CCDC34: variants seen among roughly 807,000 people sequenced by gnomAD.
CCDC34 encodes the protein coiled-coil domain containing 34.
A neutral mutation model predicts 44.1 loss-of-function variants in CCDC34; 40 were observed. That is an observed-to-expected ratio of 0.91 (90% CI 0.70 to 1.18). The LOEUF (loss-of-function observed/expected upper bound fraction) is 1.18, where lower values mean the gene tolerates loss of function less well. Ranked by LOEUF, CCDC34 falls within the 50% of genes most tolerant of loss-of-function variation. CCDC34 has a pLI of 0.00. For missense variants in CCDC34, 466 were observed against 452.3 expected (o/e 1.03, Z -0.28); for synonymous variants, 159 against 158.2 (o/e 1.01, Z -0.04).
intron 1 of CCDC34, among the ~76,000 whole-genome samples, 193 bp downstream of exon 1, chr11:27,362,643 C>T (rs944653556): frequency 6.6e-6 from 1 of 152,120 alleles, no homozygotes; most frequent in East Asian, 1.9e-4. Flanking sequence ...GGATTAAGAG[C>T]CATAGGAAAT....
intron 3 of CCDC34, chr11:27,349,988 G>C (rs528758317): frequency 8.7e-7 from 1 of 1,151,178 alleles, no homozygotes; most frequent in African/African-American, 1.6e-5. Flanking sequence ...GAAATGGGAG[G>C]ATGGATTTAC....
chr11:27,353,604 G>A (rs553422502), intron 2 of CCDC34, among the ~76,000 whole-genome samples: 1 of 152,034 alleles, frequency 6.6e-6, no homozygotes, highest in South Asian at 2.1e-4. Context: ...CATTTTGTAA[G>A]TGGGTAATTT....
In CCDC34 at chr11:27,362,888, A is replaced by C; in HGVS notation, c.307T>G (p.Ser103Ala). The C allele has an allele frequency of 6.2e-7, 1 of 1,613,938 alleles. No homozygotes were observed. Among genetic ancestry groups the C allele is most frequent in the East Asian group, 2.2e-5 (1 of 44,868 alleles). Residue 103 changes from serine (S) to alanine (A), a missense_variant, in exon 1 of 6, where the codon TCA becomes GCA. Ser to Ala is a moderately conservative substitution (Grantham distance 99). Coordinates refer to ENST00000328697, the MANE Select transcript of CCDC34 (RefSeq NM_030771.2). ...EEDVDEDAHDSEAKVASLRGM... is the reference protein window; with the variant it reads ...EEDVDEDAHDAEAKVASLRGM... Reference sequence around the variant, plus strand: ...CTCAGGCTCGCCACTTTGGCCTCTGAATCATGGGCATCTTCATCCACGTCT... The same window carrying C: ...CTCAGGCTCGCCACTTTGGCCTCTGCATCATGGGCATCTTCATCCACGTCT...
intron 3 of CCDC34, among the ~76,000 whole-genome samples, chr11:27,347,561 G>A (rs974484569): frequency 8.6e-5 from 13 of 151,848 alleles, no homozygotes; most frequent in African/African-American, 2.7e-4. Context: ...ACTATAGTCA[G>A]CAATAAAAAG....
At chr11:27,339,869 C>CT (rs1178329461) in intron 5 of CCDC34, among the ~76,000 whole-genome samples, 8 of 150,898 alleles carry the variant, frequency 5.3e-5, no homozygotes, top group Non-Finnish European at 1.2e-4. Context: ...CCCACCTAAA[C>CT]TTTTAACTTT....
chr11:27,349,747 A>C, intron 3 of CCDC34: 2 of 953,980 alleles, frequency 2.1e-6, no homozygotes, highest in African/African-American at 1.8e-5. Flanking sequence ...GACATATATC[A>C]TGCGCAGGTA....
intron 3 of CCDC34, among the ~76,000 whole-genome samples, chr11:27,343,202 A>G (rs1862385673): frequency 6.6e-6 from 1 of 152,124 alleles, no homozygotes; most frequent in African/African-American, 2.4e-5. Context: ...GGAGTTCGAG[A>G]CCAGGCTGGC....
chr11:27,341,565 G>T lies in CCDC34; in HGVS notation c.607-15C>A, dbSNP rs767639566. The T allele has an allele frequency of 8.7e-7, 1 of 1,149,234 alleles. No individual in the cohort carries two copies. The highest frequency in any genetic ancestry group is 1.8e-5 in the South Asian group (1 of 55,034). 71.2% of individuals were successfully genotyped at this position (1,149,234 alleles called of 1,614,324 possible). A position where few individuals can be genotyped will look rare whatever the true frequency, so the allele number is the denominator to read the frequency against. ...TCTTTTCTTTTCTTAAATAAAAATA[G>T]ATAAAGTTTAATTGTAATACCAGTA... On this transcript the variant is annotated splice_polypyrimidine_tract_variant and intron_variant, in intron 3 of 5. Transcript: ENST00000328697.
chr11:27,363,178 C>T lies in CCDC34; in HGVS notation c.17G>A (p.Arg6His). ...GGAAGAGGGAAAAGTAGGCCCCCAG[C>T]GCCCCGCCGCCCACATCTGGCCCGC... The part of the protein sequence containing the change: MWAAG[R>H]WGPTFPSSYA... Residue 6 changes from arginine (R) to histidine (H), a missense_variant, in exon 1 of 6, where the codon CGC becomes CAC. Coordinates refer to ENST00000328697, the MANE Select transcript of CCDC34 (RefSeq NM_030771.2). The T allele has an allele frequency of 6.7e-7, 1 of 1,484,270 alleles. No homozygotes were observed. The highest frequency in any genetic ancestry group is 8.9e-7 in the Non-Finnish European group (1 of 1,123,964). 91.9% of individuals were successfully genotyped at this position (1,484,270 alleles called of 1,614,324 possible).
intron 3 of CCDC34, chr11:27,350,081 G>A: frequency 7.4e-7 from 1 of 1,349,542 alleles, no homozygotes; most frequent in Non-Finnish European, 9.5e-7. Context: ...GTCAGGCCTA[G>A]AAATACAGAC....
chr11:27,348,850 A>G (rs1057122934), intron 3 of CCDC34: 1 of 960,092 alleles, frequency 1.0e-6, no homozygotes, highest in African/African-American at 1.8e-5. Context: ...TAACATGAAC[A>G]AGAGTTCTGC....
chr11:27,340,409 C>T (rs537201122), intron 5 of CCDC34, among the ~76,000 whole-genome samples: 2 of 152,172 alleles, frequency 1.3e-5, no homozygotes, highest in African/African-American at 4.8e-5. Flanking sequence ...GGCTTTATCA[C>T]TGAAAAAATG....
At chr11:27,346,408 C>T (rs1488479143) in intron 3 of CCDC34, among the ~76,000 whole-genome samples, 2 of 102,166 alleles carry the variant, frequency 2.0e-5, no homozygotes, top group East Asian at 6.4e-4. Context: ...AAAAAAGAGA[C>T]AGAAGAGAGG....
At chr11:27,358,088 C>T (rs1382745156) in intron 1 of CCDC34, among the ~76,000 whole-genome samples, 2 of 152,122 alleles carry the variant, frequency 1.3e-5, no homozygotes, top group South Asian at 2.1e-4. Context: ...AAATAAGAAG[C>T]CACAAAACAT....
intron 3 of CCDC34, among the ~76,000 whole-genome samples, chr11:27,347,320 T>TA (rs1862447737): frequency 6.6e-6 from 1 of 152,148 alleles, no homozygotes; most frequent in South Asian, 2.1e-4. Context: ...CTTATAAAGT[T>TA]AAACACATAC....
At chr11:27,341,647 T>C (rs949891058) in intron 3 of CCDC34, 97 bp from the exon 4 acceptor site, 27 of 554,118 alleles carry the variant, frequency 4.9e-5, no homozygotes, top group Middle Eastern at 4.9e-4. Flanking sequence ...ACTTCAATTA[T>C]TTTTAAAAAT....
chr11:27,346,207 C>A (rs1196050832), intron 3 of CCDC34, among the ~76,000 whole-genome samples: 1 of 151,922 alleles, frequency 6.6e-6, no homozygotes, highest in Non-Finnish European at 1.5e-5. Flanking sequence ...ACCAGCCTGG[C>A]CAACATGGTG....
intron 3 of CCDC34, among the ~76,000 whole-genome samples, chr11:27,345,623 T>C (rs1862421906): frequency 6.6e-6 from 1 of 152,160 alleles, no homozygotes; most frequent in Admixed American, 6.5e-5. Flanking sequence ...ACTCATCATT[T>C]TTTATGGCTG....
chr11:27,349,284 G>T, intron 3 of CCDC34: 2 of 920,366 alleles, frequency 2.2e-6, no homozygotes, highest in Non-Finnish European at 2.6e-6. Context: ...TCTCTTTCAT[G>T]TTATATCATG....
Sources: gnomAD v4.1 joint callset for allele counts (sites outside exome capture counted in the v4.1 genomes callset) on GRCh38, gnomAD v4.1.1 for gene constraint, MANE v1.5 for transcripts, NCBI Gene and HGNC (gene_info 2026-07-23, HGNC 2026-07-21) for gene names.